KCNH5: variants seen among roughly 807,000 people sequenced by gnomAD.
KCNH5 encodes the protein voltage-gated delayed rectifier potassium channel KCNH5.
Under a neutral mutation model 96.1 loss-of-function variants are expected in KCNH5, and 46 were observed. The observed-to-expected ratio is 0.48, with a 90% CI of 0.38 to 0.61. The LOEUF (loss-of-function observed/expected upper bound fraction) is 0.61, where lower values mean the gene tolerates loss of function less well. KCNH5 is among the 20% of genes least tolerant of loss of function. The probability of loss-of-function intolerance (pLI) is 0.00; values close to 1 mark genes in which losing one functional copy is unlikely to be tolerated. For missense variants in KCNH5, 907 were observed against 1,225.8 expected (o/e 0.74, Z 3.88); for synonymous variants, 439 against 449.8 (o/e 0.98, Z 0.30).
chr14:62,841,041 T>C (rs1417664999), intron 8 of KCNH5, among the ~76,000 whole-genome samples: 1 of 151,376 alleles, frequency 6.6e-6, no homozygotes, highest in Admixed American at 6.6e-5. Flanking sequence ...TATAAATGAA[T>C]ACAAAATCAA....
chr14:62,932,566 G>T (rs1889601355), intron 7 of KCNH5, among the ~76,000 whole-genome samples: 1 of 150,666 alleles, frequency 6.6e-6, no homozygotes, highest in Non-Finnish European at 1.5e-5. Context: ...AAAACCAGGA[G>T]TAACTTGTGA....
At chr14:62,940,074 T>C (rs980247482) in intron 7 of KCNH5, among the ~76,000 whole-genome samples, 1 of 152,216 alleles carries the variant, frequency 6.6e-6, no homozygotes, top group Non-Finnish European at 1.5e-5. Context: ...TTATAAATTA[T>C]GATGCAAAAA....
At chr14:63,006,260 A>G in intron 3 of KCNH5, 106 bp downstream of exon 3, 1 of 524,348 alleles carries the variant, frequency 1.9e-6, no homozygotes, top group East Asian at 3.1e-5. Context: ...CAAGAAAAGA[A>G]GCAACAGAAG....
chr14:62,801,093 G>C (rs536966719), intron 9 of KCNH5, among the ~76,000 whole-genome samples: 5 of 151,896 alleles, frequency 3.3e-5, no homozygotes, highest in Non-Finnish European at 7.4e-5. Context: ...CCCTATGAAG[G>C]GTCATTTCTT....
At chr14:62,737,029 C>G (rs1885173293) in intron 10 of KCNH5, among the ~76,000 whole-genome samples, 1 of 152,092 alleles carries the variant, frequency 6.6e-6, no homozygotes. Flanking sequence ...TATCCATAAG[C>G]CTTGCTCCTT....
chr14:63,017,300 A>G (rs1189285230), intron 1 of KCNH5, among the ~76,000 whole-genome samples: 1 of 152,028 alleles, frequency 6.6e-6, no homozygotes, highest in East Asian at 1.9e-4. Flanking sequence ...TTAATTTATT[A>G]AGATTAGGGC....
chr14:62,827,668 G>T (rs1169997098), intron 8 of KCNH5, among the ~76,000 whole-genome samples: 1 of 152,056 alleles, frequency 6.6e-6, no homozygotes, highest in Non-Finnish European at 1.5e-5. Flanking sequence ...CTCTGTAAGT[G>T]ACCAGGTTTT....
chr14:62,761,685 C>A (rs1348601423), intron 10 of KCNH5, among the ~76,000 whole-genome samples: 3 of 151,926 alleles, frequency 2.0e-5, no homozygotes, highest in Non-Finnish European at 4.4e-5. Flanking sequence ...ATTATATATT[C>A]AACTGCAGAG....
At chr14:62,802,603 T>A (rs943373012) in intron 8 of KCNH5, 22 bp from the exon 9 acceptor site, 2 of 1,609,452 alleles carry the variant, frequency 1.2e-6, no homozygotes, top group Non-Finnish European at 1.7e-6. Flanking sequence ...GAGAGATGAA[T>A]AAGTGAAAAG....
intron 8 of KCNH5, among the ~76,000 whole-genome samples, chr14:62,811,113 C>T (rs1204657841): frequency 6.6e-6 from 1 of 152,032 alleles, no homozygotes; most frequent in Non-Finnish European, 1.5e-5. Flanking sequence ...AAAAAGAAAA[C>T]CTTTTTCAAA....
chr14:62,951,002 T>G (rs1029974222), intron 6 of KCNH5, among the ~76,000 whole-genome samples: 2 of 152,150 alleles, frequency 1.3e-5, no homozygotes, highest in African/African-American at 2.4e-5. Flanking sequence ...TAGCTACAAA[T>G]AGCAGAACTC....
chr14:62,734,401 A>T (rs1034698817), intron 10 of KCNH5, among the ~76,000 whole-genome samples: 1 of 152,128 alleles, frequency 6.6e-6, no homozygotes, highest in African/African-American at 2.4e-5. Context: ...TTTCTGTGCT[A>T]TTGATAACAA....
chr14:62,834,463 T>G (rs1887424890), intron 8 of KCNH5, among the ~76,000 whole-genome samples: 1 of 152,024 alleles, frequency 6.6e-6, no homozygotes, highest in Non-Finnish European at 1.5e-5. Context: ...TTTATTGTAC[T>G]AGAGGGACAA....
chr14:62,868,597 T>C (rs143530881), intron 7 of KCNH5, among the ~76,000 whole-genome samples: 4,087 of 152,286 alleles, frequency 0.027, 59 homozygotes, highest in Middle Eastern at 0.054. Flanking sequence ...ACATATGTGC[T>C]GAACGTGCAG....
chr14:62,992,078 T>C (rs1411132844), intron 4 of KCNH5, among the ~76,000 whole-genome samples: 1 of 152,070 alleles, frequency 6.6e-6, no homozygotes, highest in African/African-American at 2.4e-5. Context: ...GATTATTTGA[T>C]ATTTGTCTTT....
At chr14:62,751,332 T>C (rs894365248) in intron 10 of KCNH5, among the ~76,000 whole-genome samples, 1 of 152,200 alleles carries the variant, frequency 6.6e-6, no homozygotes, top group Non-Finnish European at 1.5e-5. Flanking sequence ...AGGCCCATTA[T>C]AATGGGTCAA....
intron 6 of KCNH5, among the ~76,000 whole-genome samples, chr14:62,978,980 C>T (rs1890555148): frequency 6.6e-6 from 1 of 152,138 alleles, no homozygotes; most frequent in Admixed American, 6.5e-5. Context: ...ACTATAGTCA[C>T]CATATTGTAT....
chr14:62,853,494 A>ATATATATCATATATAT (rs375695583), intron 7 of KCNH5, among the ~76,000 whole-genome samples: 1 of 102,068 alleles, frequency 9.8e-6, no homozygotes, highest in African/African-American at 3.5e-5. Flanking sequence ...ATATATATAT[A>ATATATATCATATATAT]ATCTTGGCCA....
At chr14:62,726,074 A>G (rs977527516) in intron 10 of KCNH5, among the ~76,000 whole-genome samples, 1 of 152,140 alleles carries the variant, frequency 6.6e-6, no homozygotes, top group Non-Finnish European at 1.5e-5. Flanking sequence ...AAATATAAGT[A>G]CCGGATAAAT....
Sources: gnomAD v4.1 joint callset for allele counts (sites outside exome capture counted in the v4.1 genomes callset) on GRCh38, gnomAD v4.1.1 for gene constraint, MANE v1.5 for transcripts, NCBI Gene and HGNC (gene_info 2026-07-23, HGNC 2026-07-21) for gene names.